The following AKAP19 variants were observed in gnomAD, a reference collection of about 807,000 sequenced individuals.
AKAP19 encodes A-kinase anchoring protein 19.
chr2:190,012,916 G>T, the AKAP19 span, among the ~76,000 whole-genome samples: 1 of 152,102 alleles, frequency 6.6e-6, no homozygotes, highest in Admixed American at 6.5e-5. Context: ...TACATTTGTA[G>T]ATTTATGTAT....
chr2:189,956,643 A>G, the AKAP19 span, among the ~76,000 whole-genome samples: 4 of 152,152 alleles, frequency 2.6e-5, no homozygotes, highest in Non-Finnish European at 4.4e-5. Context: ...CAGTGGCACA[A>G]TCATGGCTTA....
the AKAP19 span, among the ~76,000 whole-genome samples, chr2:189,991,082 T>C: frequency 6.6e-6 from 1 of 152,244 alleles, no homozygotes; most frequent in Non-Finnish European, 1.5e-5. Context: ...ACATTTTCTT[T>C]ATCCACTCAT....
At chr2:189,952,479 A>G in the AKAP19 span, among the ~76,000 whole-genome samples, 2 of 152,080 alleles carry the variant, frequency 1.3e-5, no homozygotes, top group Admixed American at 6.5e-5. Context: ...AATAGAAGTC[A>G]TATTATGAAG....
the AKAP19 span, among the ~76,000 whole-genome samples, chr2:190,012,237 A>T: frequency 6.6e-6 from 1 of 152,066 alleles, no homozygotes; most frequent in African/African-American, 2.4e-5. Context: ...CCATCCTCCC[A>T]CATCAGCCTC....
At chr2:190,123,356 C>A in the AKAP19 span, among the ~76,000 whole-genome samples, 7 of 152,208 alleles carry the variant, frequency 4.6e-5, no homozygotes, top group East Asian at 3.9e-4. Context: ...ATTTTACCTG[C>A]AAAACTACCT....
chr2:189,933,139 T>A, the AKAP19 span, among the ~76,000 whole-genome samples: 2,786 of 152,312 alleles, frequency 0.018, 78 homozygotes, highest in African/African-American at 0.059. Flanking sequence ...GTTATTAATA[T>A]TTTCTTGCTT....
chr2:190,030,063 C>A, the AKAP19 span, among the ~76,000 whole-genome samples: 1 of 152,100 alleles, frequency 6.6e-6, no homozygotes, highest in Admixed American at 6.6e-5. Flanking sequence ...TGTAACATCC[C>A]AAAGGGTTCT....
chr2:190,161,545 A>G, the AKAP19 span, among the ~76,000 whole-genome samples: 1 of 152,088 alleles, frequency 6.6e-6, no homozygotes, highest in Non-Finnish European at 1.5e-5. Context: ...GATCTCTTAG[A>G]CTCAACACAA....
the AKAP19 span, among the ~76,000 whole-genome samples, chr2:190,106,073 C>T: frequency 6.6e-6 from 1 of 152,176 alleles, no homozygotes; most frequent in Admixed American, 6.5e-5. Flanking sequence ...TAACACCTGA[C>T]ATAAACTTTT....
At chr2:190,059,054 T>C in the AKAP19 span, among the ~76,000 whole-genome samples, 1 of 151,520 alleles carries the variant, frequency 6.6e-6, no homozygotes, top group African/African-American at 2.4e-5. Flanking sequence ...TGAAAAAATA[T>C]TGTATAGTAT....
the AKAP19 span, among the ~76,000 whole-genome samples, chr2:189,955,824 A>G: frequency 6.6e-6 from 1 of 152,198 alleles, no homozygotes; most frequent in Non-Finnish European, 1.5e-5. Context: ...AAAGATTTGT[A>G]TTTTTGCTAA....
chr2:189,894,792 T>C, the AKAP19 span, among the ~76,000 whole-genome samples: 2 of 151,548 alleles, frequency 1.3e-5, no homozygotes, highest in Non-Finnish European at 2.9e-5. Flanking sequence ...TGAAAGTTTT[T>C]GATGTCTTTT....
the AKAP19 span, among the ~76,000 whole-genome samples, chr2:190,144,182 AAAAG>A: frequency 0.055 from 1,618 of 29,264 alleles, 8 homozygotes; most frequent in South Asian, 0.22. Context: ...AAAAGAAAAG[AAAAG>A]AAAAAAAATA....
chr2:190,195,418 G>A, the AKAP19 span, among the ~76,000 whole-genome samples: 1 of 152,168 alleles, frequency 6.6e-6, no homozygotes, highest in Non-Finnish European at 1.5e-5. Flanking sequence ...CAAGGTAACC[G>A]TACCATTTTG....
At chr2:190,190,300 A>G in the AKAP19 span, among the ~76,000 whole-genome samples, 3 of 152,216 alleles carry the variant, frequency 2.0e-5, no homozygotes, top group African/African-American at 7.2e-5. Context: ...CAATCTTGAA[A>G]TTCATATAAA....
chr2:190,054,932 G>T, the AKAP19 span, among the ~76,000 whole-genome samples: 2 of 152,150 alleles, frequency 1.3e-5, no homozygotes, highest in African/African-American at 4.8e-5. Context: ...ATTCCTCAGG[G>T]ATCTAGAACT....
At chr2:190,200,673 A>AAGAT in the AKAP19 span, 1 of 170,048 alleles carries the variant, frequency 5.9e-6, no homozygotes, top group African/African-American at 2.4e-5. Context: ...TTAATAAGAT[A>AAGAT]AGATATTTAT....
the AKAP19 span, among the ~76,000 whole-genome samples, chr2:189,936,897 G>A: frequency 6.6e-6 from 1 of 152,160 alleles, no homozygotes; most frequent in Admixed American, 6.5e-5. Context: ...GGCTGAGGAG[G>A]AAGAATCACT....
chr2:190,092,701 G>T, the AKAP19 span, among the ~76,000 whole-genome samples: 2 of 152,158 alleles, frequency 1.3e-5, no homozygotes, highest in African/African-American at 2.4e-5. Context: ...AAGATGTAGT[G>T]ATTTAGAAGT....
Sources: allele counts gnomAD v4.1 joint callset (sites outside exome capture counted in the v4.1 genomes callset), GRCh38; gene constraint gnomAD v4.1.1; transcripts MANE v1.5; gene names NCBI Gene and HGNC (gene_info 2026-07-23, HGNC 2026-07-21).